The following MAP2 variants were observed in gnomAD, a reference collection of about 807,000 sequenced individuals.
MAP2 encodes microtubule-associated protein 2.
In MAP2, 14 loss-of-function variants were observed where a neutral mutation model predicts 137.6. That is an observed-to-expected ratio of 0.10 (90% CI 0.07 to 0.16). The LOEUF is 0.16. Among genes scored for constraint, MAP2 ranks in the 10% least tolerant of loss-of-function variants. MAP2 has a pLI of 1.00. For missense variants in MAP2, 2,088 were observed against 2,191.5 expected (o/e 0.95, Z 0.94); for synonymous variants, 786 against 782.3 (o/e 1.00, Z -0.08).
chr2:209,522,860 G>GT (rs1224263424), intron 2 of MAP2, among the ~76,000 whole-genome samples: 13 of 152,116 alleles, frequency 8.5e-5, no homozygotes, highest in Admixed American at 7.9e-4. Flanking sequence ...TCAAAGAGAT[G>GT]TCAACTAACT....
At chr2:209,526,690 A>G (rs1029094523) in intron 2 of MAP2, among the ~76,000 whole-genome samples, 3 of 148,644 alleles carry the variant, frequency 2.0e-5, no homozygotes, top group Non-Finnish European at 3.0e-5. Flanking sequence ...AGATCCTTGC[A>G]GAAGTATTAG....
intron 13 of MAP2, among the ~76,000 whole-genome samples, chr2:209,716,546 G>A (rs2067707366): frequency 6.6e-6 from 1 of 152,050 alleles, no homozygotes; most frequent in South Asian, 2.1e-4. Context: ...ATTTTTTTTA[G>A]CTCATCAGCT....
chr2:209,633,319 T>G (rs2093273483), intron 4 of MAP2, among the ~76,000 whole-genome samples: 1 of 152,164 alleles, frequency 6.6e-6, no homozygotes, highest in Non-Finnish European at 1.5e-5. Flanking sequence ...AATTGTGCCT[T>G]TAGGCAATAA....
rs181514103 is a variant in MAP2, at chr2:209,476,599, G to C, written c.-221-30993G>C. 4.2e-3 allele frequency among the ~76,000 whole-genome samples: 644 copies of C among 152,134 alleles called. 6 individuals are homozygous for C. The highest frequency in any genetic ancestry group is 0.015 in the African/African-American group (610 of 41,516). The stretch of plus-strand genomic sequence containing the variant: ...AAGCTTTTTCACCAACCTTGGTCTG[G>C]GAAAAGCAACATTAGAGGTTTTATG... On this transcript the variant is annotated intron_variant, in intron 1 of 15. Transcript: ENST00000682079.
chr2:209,504,924 C>A (rs1394693829), intron 1 of MAP2, among the ~76,000 whole-genome samples: 1 of 152,112 alleles, frequency 6.6e-6, no homozygotes, highest in Non-Finnish European at 1.5e-5. Flanking sequence ...CCATCTCTTG[C>A]ACACACAGTA....
At chr2:209,484,966 G>A (rs1227055723) in intron 1 of MAP2, among the ~76,000 whole-genome samples, 3 of 152,296 alleles carry the variant, frequency 2.0e-5, no homozygotes, top group East Asian at 1.9e-4. Context: ...CGATAGAAAC[G>A]CGATAGCAGT....
At chr2:209,552,504 A>G (rs541521825) in intron 2 of MAP2, among the ~76,000 whole-genome samples, 2 of 152,332 alleles carry the variant, frequency 1.3e-5, no homozygotes, top group Non-Finnish European at 2.9e-5. Context: ...TGTTACTACC[A>G]TCATCTCCCA....
chr2:209,717,808 G>A (rs1438406700), intron 13 of MAP2, among the ~76,000 whole-genome samples: 2 of 152,038 alleles, frequency 1.3e-5, no homozygotes, highest in Non-Finnish European at 2.9e-5. Context: ...CTGCAATCTA[G>A]GCAAAAAGGA....
intron 10 of MAP2, among the ~76,000 whole-genome samples, chr2:209,698,152 A>G (rs753001729): frequency 2.6e-5 from 4 of 151,962 alleles, no homozygotes; most frequent in African/African-American, 4.8e-5. Context: ...CCGGCCTGCT[A>G]TCTACTTATT....
chr2:209,686,141 T>G (rs751855112), intron 7 of MAP2, among the ~76,000 whole-genome samples: 1 of 152,180 alleles, frequency 6.6e-6, no homozygotes, highest in South Asian at 2.1e-4. Flanking sequence ...GGCCAGATCT[T>G]GGACAATTAT....
At chr2:209,719,251 G>C (rs1000385986) in intron 13 of MAP2, among the ~76,000 whole-genome samples, 5 of 152,102 alleles carry the variant, frequency 3.3e-5, no homozygotes, top group African/African-American at 1.2e-4. Context: ...ACCTAGGTTC[G>C]TACCTAATGG....
Position 209,733,460 on chromosome 2 carries a change from C to CACACACACACACACA in MAP2, c.*3063_*3064insACACACACACACACA, listed in dbSNP as rs2076037536. The CACACACACACACACA allele has an allele frequency of 3.4e-5, 5 of 148,216 alleles. No individual in the cohort carries two copies. The highest frequency in any genetic ancestry group is 4.3e-4 in the South Asian group (2 of 4,622). The allele number at this position is 148,216 out of a possible 1,614,324, so 9.2% of individuals were successfully genotyped here. Reference sequence around the variant, plus strand: ...AATGTACTGATTGTAGTGACCTTCTCCACACACACACACACACACACACAC... The same window carrying CACACACACACACACA: ...AATGTACTGATTGTAGTGACCTTCTCACACACACACACACACACACACACACACACACACACACAC... On this transcript the variant is annotated 3_prime_UTR_variant, in exon 16 of 16. Coordinates refer to ENST00000682079, the MANE Select transcript of MAP2 (RefSeq NM_001375505.1).
intron 1 of MAP2, among the ~76,000 whole-genome samples, chr2:209,499,278 C>T (rs965960739): frequency 2.0e-5 from 3 of 152,174 alleles, no homozygotes; most frequent in Non-Finnish European, 4.4e-5. Flanking sequence ...TCTTTGCTAA[C>T]ACATAAAACA....
At chr2:209,646,642 G>A (rs1439337358) in intron 4 of MAP2, among the ~76,000 whole-genome samples, 3 of 152,128 alleles carry the variant, frequency 2.0e-5, no homozygotes, top group African/African-American at 7.2e-5. Context: ...AAGAGTTTCC[G>A]AGAGTCTACA....
intron 2 of MAP2, among the ~76,000 whole-genome samples, chr2:209,568,508 G>A (rs185726342): frequency 1.7e-4 from 26 of 152,014 alleles, no homozygotes; most frequent in Admixed American, 3.3e-4. Flanking sequence ...GACCTCTTAA[G>A]TTCTGCTGGC....
chr2:209,689,947 A>ACC (rs1220693822), intron 7 of MAP2, among the ~76,000 whole-genome samples: 21 of 152,212 alleles, frequency 1.4e-4, no homozygotes, highest in African/African-American at 5.1e-4. Context: ...TGAAGCTAAC[A>ACC]TAACTTGACT....
chr2:209,591,146 A>AAG (rs1177975144), intron 3 of MAP2, among the ~76,000 whole-genome samples: 1 of 152,206 alleles, frequency 6.6e-6, no homozygotes, highest in Non-Finnish European at 1.5e-5. Context: ...TACAAAGACA[A>AAG]AGAGCTAATT....
intron 13 of MAP2, among the ~76,000 whole-genome samples, chr2:209,711,033 T>G (rs1036217738): frequency 6.6e-6 from 1 of 152,206 alleles, no homozygotes; most frequent in African/African-American, 2.4e-5. Flanking sequence ...TTATTTAATG[T>G]TTATCTCATA....
chr2:209,729,764 C>G, intron 14 of MAP2, 86 bp from the exon 15 acceptor site: 1 of 792,884 alleles, frequency 1.3e-6, no homozygotes, highest in Non-Finnish European at 2.1e-6. Context: ...TGTGGTTTGC[C>G]GTAGTCTATC....
Sources: allele counts gnomAD v4.1 joint callset (sites outside exome capture counted in the v4.1 genomes callset), GRCh38; gene constraint gnomAD v4.1.1; transcripts MANE v1.5; gene names NCBI Gene and HGNC (gene_info 2026-07-23, HGNC 2026-07-21).